Variants in RAP1GAP2 observed in about 807,000 individuals in gnomAD.
The protein encoded by RAP1GAP2 is RAP1 GTPase activating protein 2.
A neutral mutation model predicts 95.0 loss-of-function variants in RAP1GAP2; 27 were observed. The observed-to-expected ratio is 0.28, with a 90% CI of 0.21 to 0.39. The LOEUF is 0.39. Ranked by LOEUF, RAP1GAP2 falls within the 10% of genes least tolerant of loss-of-function variation. The probability of loss-of-function intolerance (pLI) is 1.00; values close to 1 mark genes in which losing one functional copy is unlikely to be tolerated. For missense variants in RAP1GAP2, 771 were observed against 970.0 expected (o/e 0.79, Z 2.72); for synonymous variants, 373 against 380.9 (o/e 0.98, Z 0.24).
chr17:2,834,565 G>C (rs2071047397), intron 2 of RAP1GAP2, among the ~76,000 whole-genome samples: 1 of 152,184 alleles, frequency 6.6e-6, no homozygotes, highest in South Asian at 2.1e-4. Context: ...GGGAAGCTGG[G>C]GTGGGCAGAT....
intron 2 of RAP1GAP2, among the ~76,000 whole-genome samples, chr17:2,844,796 G>A (rs978120887): frequency 6.6e-6 from 1 of 152,166 alleles, no homozygotes; most frequent in African/African-American, 2.4e-5. Context: ...ACAAAGAGGG[G>A]CATTTTCCCC....
chr17:2,941,127 A>T (rs1403911664), intron 3 of RAP1GAP2, among the ~76,000 whole-genome samples: 1 of 152,164 alleles, frequency 6.6e-6, no homozygotes, highest in Non-Finnish European at 1.5e-5. Context: ...GTGGGCCGGG[A>T]ACGGTGGCTC....
chr17:2,901,537 T>C (rs1047971773), intron 2 of RAP1GAP2, among the ~76,000 whole-genome samples: 2 of 152,108 alleles, frequency 1.3e-5, no homozygotes, highest in Non-Finnish European at 2.9e-5. Context: ...TGCCATGACA[T>C]GTGGCAAGAT....
chr17:2,774,630 G>A (rs2068458150), upstream of RAP1GAP2, among the ~76,000 whole-genome samples: 1 of 148,274 alleles, frequency 6.7e-6, no homozygotes, highest in South Asian at 2.2e-4. Context: ...CCCCCACCAT[G>A]CCTGGCTAAT....
rs2045742452 is a variant in RAP1GAP2, at chr17:2,991,283, T to TAA, written c.814-14_814-13insAA. On this transcript the variant is annotated splice_polypyrimidine_tract_variant and intron_variant, in intron 11 of 24. Transcript: ENST00000254695. ...TTTTTCTAATTCCTGCCCTTATTCC[T>TAA]GTTTCTCTTTCAGACCCTGGAGGAG... 1 of 1,569,518 alleles carries TAA rather than the reference T, an allele frequency of 6.4e-7. No homozygotes were observed. Among genetic ancestry groups the TAA allele is most frequent in the Non-Finnish European group, 8.7e-7 (1 of 1,149,562 alleles).
At chr17:2,936,613 A>G (rs1423677001) in intron 3 of RAP1GAP2, among the ~76,000 whole-genome samples, 1 of 152,048 alleles carries the variant, frequency 6.6e-6, no homozygotes, top group Admixed American at 6.6e-5. Flanking sequence ...CGGTGCCCCA[A>G]AATGGATGAT....
intron 2 of RAP1GAP2, among the ~76,000 whole-genome samples, chr17:2,852,092 G>A (rs947085487): frequency 6.6e-6 from 1 of 152,178 alleles, no homozygotes; most frequent in Non-Finnish European, 1.5e-5. Flanking sequence ...CTATAGCGCG[G>A]TGGGAGAGAG....
chr17:2,866,971 G>C lies in RAP1GAP2; in HGVS notation c.81-38313G>C, dbSNP rs941289334. Among the ~76,000 whole-genome samples, 2 of 151,936 alleles carry C rather than the reference G, an allele frequency of 1.3e-5. No individual in the cohort carries two copies. The highest frequency in any genetic ancestry group is 4.8e-5 in the African/African-American group (2 of 41,362). On this transcript the variant is annotated intron_variant, in intron 2 of 24. Coordinates refer to ENST00000254695, the MANE Select transcript of RAP1GAP2 (RefSeq NM_015085.5). The surrounding 1 kb of genome is among the most constrained non-coding windows in gnomAD (Gnocchi z 4.0). The stretch of plus-strand genomic sequence containing the variant: ...GCTGGAGTGCAGTGGTACAATCTCG[G>C]CTCACTGCAACCTCCACCTCTCAGG...
At chr17:2,919,454 C>G (rs12937275) in intron 3 of RAP1GAP2, among the ~76,000 whole-genome samples, 1 of 152,122 alleles carries the variant, frequency 6.6e-6, no homozygotes, top group African/African-American at 2.4e-5. Flanking sequence ...CAGTTTGTCC[C>G]TATCATAAGT....
At chr17:2,837,032 C>T (rs972384889) in intron 2 of RAP1GAP2, among the ~76,000 whole-genome samples, 2 of 152,132 alleles carry the variant, frequency 1.3e-5, no homozygotes, top group Non-Finnish European at 2.9e-5. Context: ...AGGAGGATCA[C>T]TTGAGGCCAG....
rs555858100 is a variant in RAP1GAP2, at chr17:2,761,679, C to G, written c.50+5912C>G. Among the ~76,000 whole-genome samples the G allele has an allele frequency of 2.3e-4, 35 of 152,212 alleles. No individual in the cohort carries two copies. The South Asian group carries it at 7.0e-3, about 31-fold the overall frequency. On this transcript the variant is annotated intron_variant, in intron 1 of 25. Coordinates refer to the RAP1GAP2 transcript ENST00000637138. ...TTGGTTTCAGCACCCTTGGGGATAC[C>G]AGAATTCAAGGATGCTCTAGTCCCT...
At position 2,761,254 on chromosome 17, in the gene RAP1GAP2, C is replaced by T. The variant is rs142997061; in HGVS notation, c.50+5487C>T. Among the ~76,000 whole-genome samples, 509 of 146,466 alleles carry T rather than the reference C, an allele frequency of 3.5e-3. 5 individuals carry two copies. The highest frequency in any genetic ancestry group is 0.012 in the African/African-American group (468 of 39,608). Reference sequence around the variant, plus strand: ...ACAGGAGTGAGCCACTGAGCCTGGCCGGTGGGGTGCCATTTTCTCTTTTTG... The same window carrying T: ...ACAGGAGTGAGCCACTGAGCCTGGCTGGTGGGGTGCCATTTTCTCTTTTTG... On this transcript the variant is annotated intron_variant, in intron 1 of 25. Transcript: ENST00000637138.
rs1015630562 is a variant in RAP1GAP2 at position 2,825,364 on chromosome 17, G to C, written c.80+24814G>C. ...GAAGAAACTTTGCTGTTGGAACTGG[G>C]TCAGAATTGGAATACAGGAAGCAAG... On this transcript the variant is annotated intron_variant, in intron 2 of 24. Coordinates refer to ENST00000254695, the MANE Select transcript of RAP1GAP2 (RefSeq NM_015085.5). The surrounding 1 kb of genome is among the most constrained non-coding windows in gnomAD (Gnocchi z 4.1). Among the ~76,000 whole-genome samples the C allele has an allele frequency of 5.9e-5, 9 of 152,158 alleles. No homozygotes were observed. Among genetic ancestry groups the C allele is most frequent in the African/African-American group, 2.2e-4 (9 of 41,452 alleles).
intron 1 of RAP1GAP2, among the ~76,000 whole-genome samples, chr17:2,798,923 CCGGTTCCAG>C (rs945493032): frequency 6.6e-6 from 1 of 152,154 alleles, no homozygotes; most frequent in Admixed American, 6.5e-5. Context: ...ACCAGGAGCC[CCGGTTCCAG>C]CGGTTCCAGC....
intron 1 of RAP1GAP2, among the ~76,000 whole-genome samples, chr17:2,778,503 C>T (rs2068560980): frequency 6.6e-6 from 1 of 152,112 alleles, no homozygotes; most frequent in Non-Finnish European, 1.5e-5. Context: ...GCTGGAGGCA[C>T]GCTTGCAGCT....
At chr17:2,853,850 C>G (rs897072891) in intron 2 of RAP1GAP2, 26 of 909,182 alleles carry the variant, frequency 2.9e-5, no homozygotes, top group Non-Finnish European at 3.3e-5. Context: ...TCACCTGACC[C>G]CCGGGGCGCA....
chr17:2,945,734 A>AT (rs889189198), intron 3 of RAP1GAP2, among the ~76,000 whole-genome samples: 1 of 144,884 alleles, frequency 6.9e-6, no homozygotes, highest in African/African-American at 2.5e-5. Flanking sequence ...ATAATCATGT[A>AT]TTTTTTCTTC....
rs1368542214 is a variant in RAP1GAP2, at chr17:2,834,302, C to T, written c.80+33752C>T. On this transcript the variant is annotated intron_variant, in intron 2 of 24. Transcript: ENST00000254695. Reference sequence around the variant, plus strand: ...CACAGCTTAAAGCTCAAATGCATTTCCCTTGCTGAAGGAGCTGAGCCAGCC... The same window carrying T: ...CACAGCTTAAAGCTCAAATGCATTTTCCTTGCTGAAGGAGCTGAGCCAGCC... 3.3e-5 allele frequency among the ~76,000 whole-genome samples: 5 copies of T among 152,208 alleles called. 1 individual carries two copies. The South Asian group carries it at 8.3e-4, about 25-fold the overall frequency.
chr17:2,916,837 T>G (rs559702250), intron 3 of RAP1GAP2, among the ~76,000 whole-genome samples: 1 of 152,328 alleles, frequency 6.6e-6, no homozygotes, highest in East Asian at 1.9e-4. Context: ...CCAGAGTAGC[T>G]GGCTCATCAG....
Sources: gnomAD v4.1 joint callset for allele counts (sites outside exome capture counted in the v4.1 genomes callset) on GRCh38, gnomAD v4.1.1 for gene constraint, Gnocchi (gnomAD v3.1) non-coding constraint, MANE v1.5 for transcripts, NCBI Gene and HGNC (gene_info 2026-07-23, HGNC 2026-07-21) for gene names.